The following MAN1A2 variants were observed in gnomAD, a reference collection of about 807,000 sequenced individuals.
MAN1A2 encodes mannosidase alpha class 1A member 2.
A neutral mutation model predicts 75.7 loss-of-function variants in MAN1A2; 26 were observed. That is an observed-to-expected ratio of 0.34 (90% confidence interval 0.25 to 0.48). The LOEUF (loss-of-function observed/expected upper bound fraction) is 0.48. Ranked by LOEUF, MAN1A2 falls within the 20% of genes least tolerant of loss-of-function variation. The pLI is 0.99. For missense variants in MAN1A2, 562 were observed against 775.5 expected, an observed-to-expected ratio of 0.72 and a Z score of 3.27; for synonymous variants, 247 against 264.6, an observed-to-expected ratio of 0.93 and a Z score of 0.65.
intron 6 of MAN1A2, 68 bp from the exon 7 acceptor site, chr1:117,460,421 A>C (rs1439006878): frequency 9.2e-7 from 1 of 1,082,302 alleles, no homozygotes; most frequent in Admixed American, 2.3e-5. Context: ...AAATTTACAT[A>C]TTCATTAAAC....
At chr1:117,490,656 C>G (rs1168146781) in intron 8 of MAN1A2, among the ~76,000 whole-genome samples, 1 of 151,952 alleles carries the variant, frequency 6.6e-6, no homozygotes, top group Admixed American at 6.6e-5. Context: ...CACTTTACAT[C>G]AAAAGCTAGA....
intron 12 of MAN1A2, among the ~76,000 whole-genome samples, chr1:117,511,507 G>A (rs900601638): frequency 2.0e-5 from 3 of 151,746 alleles, no homozygotes; most frequent in Non-Finnish European, 4.4e-5. Flanking sequence ...CTATCTTCCA[G>A]TAGAATGTAA....
At chr1:117,389,187 A>C (rs1383527491) in intron 1 of MAN1A2, among the ~76,000 whole-genome samples, 1 of 152,214 alleles carries the variant, frequency 6.6e-6, no homozygotes, top group African/African-American at 2.4e-5. Flanking sequence ...TACTATGTGC[A>C]TGATAGTTTC....
chr1:117,486,686 A>G (rs1279027285), intron 8 of MAN1A2, among the ~76,000 whole-genome samples: 9 of 152,056 alleles, frequency 5.9e-5, no homozygotes, highest in African/African-American at 2.2e-4. Context: ...TACAGGGAGA[A>G]TAAAGGACTA....
chr1:117,495,521 C>G (rs1246807934), intron 9 of MAN1A2, among the ~76,000 whole-genome samples: 2 of 151,852 alleles, frequency 1.3e-5, no homozygotes, highest in African/African-American at 4.8e-5. Context: ...CTTCCCCTAT[C>G]CTTACAGATA....
intron 6 of MAN1A2, among the ~76,000 whole-genome samples, chr1:117,458,523 A>ATAGATATAGATATAGATAT (rs1553236643): frequency 2.8e-5 from 3 of 105,608 alleles, no homozygotes; most frequent in African/African-American, 6.9e-5. Context: ...ATATATATAT[A>ATAGATATAGATATAGATAT]TTTTTTTTTT....
At chr1:117,404,518 C>G (rs188124288) in intron 2 of MAN1A2, among the ~76,000 whole-genome samples, 4 of 152,154 alleles carry the variant, frequency 2.6e-5, no homozygotes, top group Non-Finnish European at 5.9e-5. Context: ...GCATCTGTCT[C>G]TCTTTCCTTT....
At chr1:117,398,673 C>CAAA (rs34938045) in intron 1 of MAN1A2, among the ~76,000 whole-genome samples, 9 of 115,100 alleles carry the variant, frequency 7.8e-5, no homozygotes, top group Non-Finnish European at 1.3e-4. Context: ...GACTCTATTT[C>CAAA]AAAAAAAAAA....
chr1:117,486,779 A>G (rs1455750318), intron 8 of MAN1A2, among the ~76,000 whole-genome samples: 1 of 152,004 alleles, frequency 6.6e-6, no homozygotes. Flanking sequence ...TAACTGAGAA[A>G]GTGGAGTACA....
chr1:117,476,963 C>A (rs981698076), intron 8 of MAN1A2, among the ~76,000 whole-genome samples: 1 of 152,000 alleles, frequency 6.6e-6, no homozygotes, highest in Non-Finnish European at 1.5e-5. Flanking sequence ...TGGACATTTT[C>A]ACGATATTGA....
chr1:117,524,588 G>A lies in MAN1A2; in HGVS notation c.*1631G>A, dbSNP rs1030001579. On this transcript the variant is annotated 3_prime_UTR_variant, in exon 13 of 13. Coordinates refer to ENST00000356554, the MANE Select transcript of MAN1A2 (RefSeq NM_006699.5). ...CTTTTCTTTTAAACTTAGGTTTTAA[G>A]TTGGGGAAAGACTTAATTAACTAAT... The A allele has an allele frequency of 1.3e-5, 2 of 151,676 alleles. No individual in the cohort carries two copies. The highest frequency in any genetic ancestry group is 1.3e-4 in the Admixed American group (2 of 15,166). 9.4% of individuals were successfully genotyped at this position (151,676 alleles called of 1,614,324 possible). A position where few individuals can be genotyped will look rare whatever the true frequency, so the allele number is the denominator to read the frequency against.
chr1:117,507,109 T>C (rs1232181809), intron 12 of MAN1A2, among the ~76,000 whole-genome samples: 1 of 151,474 alleles, frequency 6.6e-6, no homozygotes, highest in African/African-American at 2.4e-5. Flanking sequence ...GTTAAGAAAA[T>C]ATCCAAAAAT....
At chr1:117,407,522 T>A (rs1430717378) in intron 3 of MAN1A2, among the ~76,000 whole-genome samples, 1 of 152,184 alleles carries the variant, frequency 6.6e-6, no homozygotes, top group Non-Finnish European at 1.5e-5. Context: ...AACCTTTGCT[T>A]GCAATATTCT....
chr1:117,434,749 G>C (rs1460149892), intron 5 of MAN1A2, among the ~76,000 whole-genome samples: 1 of 1,430 alleles, frequency 7.0e-4, no homozygotes. Context: ...GGTTACAGCT[G>C]TGTGTGTGTG....
chr1:117,371,065 A>G (rs1274983963), intron 1 of MAN1A2, among the ~76,000 whole-genome samples: 1 of 152,188 alleles, frequency 6.6e-6, no homozygotes, highest in African/African-American at 2.4e-5. Context: ...ATTGAAAGAG[A>G]TAGTACATGC....
intron 6 of MAN1A2, among the ~76,000 whole-genome samples, chr1:117,445,082 G>T (rs1649170439): frequency 6.6e-6 from 1 of 152,072 alleles, no homozygotes; most frequent in East Asian, 1.9e-4. Context: ...ATGAATGGAT[G>T]TTAAATGTTG....
chr1:117,523,151 A>G lies in MAN1A2; in HGVS notation c.*194A>G, dbSNP rs529181823. The G allele has an allele frequency of 1.5e-6, 1 of 681,560 alleles. No homozygotes were observed. Among genetic ancestry groups the G allele is most frequent in the East Asian group, 2.8e-5 (1 of 35,128 alleles). The allele number at this position is 681,560 out of a possible 1,614,324, so 42.2% of individuals were successfully genotyped here. On this transcript the variant is annotated 3_prime_UTR_variant, in exon 13 of 13. Transcript: ENST00000356554. ...ATTCCATTTTATACCTGACCAAAAC[A>G]TGTTCTGATATGTGTAGGACAGAGA...
At chr1:117,390,089 A>T (rs975471872) in intron 1 of MAN1A2, among the ~76,000 whole-genome samples, 2 of 152,150 alleles carry the variant, frequency 1.3e-5, no homozygotes, top group East Asian at 1.9e-4. Flanking sequence ...GAGGGATATT[A>T]GTTTGTTTGT....
At position 117,458,518 on chromosome 1, in the gene MAN1A2, T is replaced by TAG. The variant is rs1557959144; in HGVS notation, c.951-1970_951-1969insGA. ...ATATCTATATATATATATAGATATA[T>TAG]ATATATTTTTTTTTTTTTTTTTGAG... On this transcript the variant is annotated intron_variant, in intron 6 of 12. Transcript: ENST00000356554. Among the ~76,000 whole-genome samples the TAG allele has an allele frequency of 1.8e-3, 210 of 119,990 alleles. 3 individuals are homozygous for TAG. The highest frequency in any genetic ancestry group is 0.01 in the East Asian group (45 of 4,388). 78.7% of individuals were successfully genotyped at this position (119,990 alleles called of 152,430 possible). A position where few individuals can be genotyped will look rare whatever the true frequency, so the allele number is the denominator to read the frequency against.
Sources: allele counts gnomAD v4.1 joint callset (sites outside exome capture counted in the v4.1 genomes callset), GRCh38; gene constraint gnomAD v4.1.1; transcripts MANE v1.5; gene names NCBI Gene and HGNC (gene_info 2026-07-23, HGNC 2026-07-21).